Variants in DESI2 observed in about 807,000 individuals in gnomAD.
DESI2 encodes desumoylating isopeptidase 2, also known as deubiquitinase DESI2.
In DESI2, 10 loss-of-function variants were observed where a neutral mutation model predicts 24.1. That is an observed-to-expected ratio of 0.41 (90% CI 0.26 to 0.70). The LOEUF (loss-of-function observed/expected upper bound fraction) is 0.70. DESI2 is among the 30% of genes least tolerant of loss of function. The pLI is 0.29. For missense variants in DESI2, 122 were observed against 234.9 expected, an observed-to-expected ratio of 0.52 and a Z score of 3.14; for synonymous variants, 71 against 87.7, an observed-to-expected ratio of 0.81 and a Z score of 1.06.
At chr1:244,660,356 C>T (rs1012749600) in intron 1 of DESI2, among the ~76,000 whole-genome samples, 2 of 152,080 alleles carry the variant, frequency 1.3e-5, no homozygotes, top group Admixed American at 6.6e-5. Context: ...TTAGTAGAGG[C>T]AGGGTTTCAC....
At chr1:244,666,643 C>T (rs1359875988) in intron 1 of DESI2, among the ~76,000 whole-genome samples, 1 of 152,196 alleles carries the variant, frequency 6.6e-6, no homozygotes, top group Non-Finnish European at 1.5e-5. Context: ...CTCATTCATT[C>T]TGACCTGTTG....
intron 1 of DESI2, among the ~76,000 whole-genome samples, chr1:244,664,803 T>C (rs545152115): frequency 2.8e-4 from 43 of 152,376 alleles, no homozygotes; most frequent in Middle Eastern, 3.4e-3. Flanking sequence ...TCCTTTGCCT[T>C]ACAGAAATTT....
At chr1:244,697,529 A>T (rs905258626) in intron 4 of DESI2, among the ~76,000 whole-genome samples, 4 of 151,446 alleles carry the variant, frequency 2.6e-5, no homozygotes, top group Non-Finnish European at 5.9e-5. Flanking sequence ...GGGTAGAGGT[A>T]TGGAAAACCT....
rs569773066 is a variant in DESI2, at chr1:244,703,344, T to A, written c.352-2212T>A. On this transcript the variant is annotated intron_variant, in intron 4 of 4. Coordinates refer to ENST00000302550, the MANE Select transcript of DESI2 (RefSeq NM_016076.5). ...TGTTTTTAAGAGCAGATGTAGTTCA[T>A]ATACATTCTTTTTTGTTTGTTTTGT... 2.0e-5 allele frequency among the ~76,000 whole-genome samples: 3 copies of A among 152,082 alleles called. No homozygotes were observed. In the South Asian group the frequency reaches 6.2e-4, roughly 32 times the overall value.
intron 1 of DESI2, among the ~76,000 whole-genome samples, chr1:244,670,411 G>A (rs116313431): frequency 4.6e-5 from 7 of 152,120 alleles, no homozygotes; most frequent in African/African-American, 1.4e-4. Context: ...ACCAGAACTC[G>A]TCTATTTACA....
intron 2 of DESI2, among the ~76,000 whole-genome samples, chr1:244,686,946 T>C (rs1444615099): frequency 1.3e-5 from 2 of 152,180 alleles, no homozygotes. Flanking sequence ...TATTTTCCTT[T>C]TGTGATTGTC....
chr1:244,683,599 C>T (rs1186622517), intron 1 of DESI2, among the ~76,000 whole-genome samples: 5 of 152,198 alleles, frequency 3.3e-5, no homozygotes, highest in Non-Finnish European at 7.3e-5. Context: ...GCGTGAGCCA[C>T]CGCGCCCAGC....
chr1:244,704,542 AC>A (rs1677615420), intron 4 of DESI2, among the ~76,000 whole-genome samples: 1 of 71,326 alleles, frequency 1.4e-5, no homozygotes, highest in African/African-American at 4.7e-5. Flanking sequence ...TCCTCCTGGC[AC>A]TTGTATTCTA....
At chr1:244,656,893 G>A (rs916810258) in intron 1 of DESI2, among the ~76,000 whole-genome samples, 5 of 152,116 alleles carry the variant, frequency 3.3e-5, no homozygotes, top group Admixed American at 1.3e-4. Context: ...TCCCGCCTCA[G>A]CCTGCCAAGT....
intron 1 of DESI2, among the ~76,000 whole-genome samples, chr1:244,668,878 A>C (rs1676139916): frequency 6.6e-6 from 1 of 152,220 alleles, no homozygotes; most frequent in African/African-American, 2.4e-5. Context: ...TGAGCCCAAA[A>C]GTAACTGTAC....
At chr1:244,682,896 T>C (rs1479254506) in intron 1 of DESI2, among the ~76,000 whole-genome samples, 3 of 150,680 alleles carry the variant, frequency 2.0e-5, no homozygotes, top group Admixed American at 6.6e-5. Flanking sequence ...TAAAGCACAG[T>C]AAGGCAAACT....
At chr1:244,665,569 C>G (rs528064625) in intron 1 of DESI2, among the ~76,000 whole-genome samples, 3 of 152,262 alleles carry the variant, frequency 2.0e-5, no homozygotes, top group Non-Finnish European at 2.9e-5. Context: ...GACCATGGTA[C>G]CCAGTTTTAG....
chr1:244,664,049 T>A, intron 1 of DESI2, among the ~76,000 whole-genome samples: 1 of 141,616 alleles, frequency 7.1e-6, no homozygotes, highest in East Asian at 1.9e-4. Flanking sequence ...AAAAAATTAT[T>A]TAAGAACTTA....
At chr1:244,655,020 G>C (rs1023525184) in intron 1 of DESI2, among the ~76,000 whole-genome samples, 3 of 152,170 alleles carry the variant, frequency 2.0e-5, no homozygotes, top group Non-Finnish European at 4.4e-5. Context: ...AAACGAAAAT[G>C]CATGTTTTGG....
At chr1:244,675,936 AT>A (rs1189474802) in intron 1 of DESI2, among the ~76,000 whole-genome samples, 1 of 151,966 alleles carries the variant, frequency 6.6e-6, no homozygotes, top group African/African-American at 2.4e-5. Flanking sequence ...GTCTTCTTTA[AT>A]TTTTTTCAAC....
intron 2 of DESI2, among the ~76,000 whole-genome samples, chr1:244,688,058 C>G (rs1676884559): frequency 6.6e-6 from 1 of 152,176 alleles, no homozygotes; most frequent in African/African-American, 2.4e-5. Context: ...GTATGCTAGT[C>G]CGTGGCTCTA....
At chr1:244,685,955 G>T (rs1676802284) in intron 1 of DESI2, among the ~76,000 whole-genome samples, 1 of 152,104 alleles carries the variant, frequency 6.6e-6, no homozygotes, top group Admixed American at 6.5e-5. Flanking sequence ...TGGGCCCCAT[G>T]GCCCAGTTTT....
Position 244,706,884 on chromosome 1 carries a change from CAT to C in DESI2, c.*1098_*1099del, listed in dbSNP as rs1677727709. The C allele has an allele frequency of 6.6e-6, 1 of 152,562 alleles. No individual in the cohort carries two copies. Among genetic ancestry groups the C allele is most frequent in the African/African-American group, 2.4e-5 (1 of 41,432 alleles). The allele number at this position is 152,562 out of a possible 1,614,324, so 9.5% of individuals were successfully genotyped here. ...TCTCATTGACCAATCGTTAAAAAAT[CAT>C]ATTTGTGTGTCTTAAGATTCATATT... On this transcript the variant is annotated 3_prime_UTR_variant, in exon 5 of 5. Coordinates refer to ENST00000302550, the MANE Select transcript of DESI2 (RefSeq NM_016076.5).
intron 1 of DESI2, among the ~76,000 whole-genome samples, chr1:244,662,717 T>G (rs979374858): frequency 6.6e-6 from 1 of 152,216 alleles, no homozygotes; most frequent in Non-Finnish European, 1.5e-5. Context: ...TACCGGTTAC[T>G]GCAGTTTCAA....
Sources: allele counts gnomAD v4.1 joint callset (sites outside exome capture counted in the v4.1 genomes callset), GRCh38; gene constraint gnomAD v4.1.1; transcripts MANE v1.5; gene names NCBI Gene and HGNC (gene_info 2026-07-23, HGNC 2026-07-21).